Variants in SLC39A11 observed in about 807,000 individuals in gnomAD.
SLC39A11 encodes solute carrier family 39 member 11, also known as zinc transporter ZIP11.
A neutral mutation model predicts 36.1 loss-of-function variants in SLC39A11; 33 were observed. The ratio of observed to expected loss-of-function variants is 0.91; its 90% CI spans 0.69 to 1.22. The LOEUF is 1.22. Among genes scored for constraint, SLC39A11 ranks in the 50% most tolerant of loss-of-function variants. The pLI, the probability that SLC39A11 is intolerant of heterozygous loss-of-function variation, is 0.00. For synonymous variants in SLC39A11, 166 were observed against 170.3 expected, an observed-to-expected ratio of 0.97 and a Z score of 0.20; for missense variants, 432 against 430.3, an observed-to-expected ratio of 1.00 and a Z score of -0.03.
chr17:72,751,130 C>A (rs1202383718), intron 6 of SLC39A11, among the ~76,000 whole-genome samples: 1 of 152,108 alleles, frequency 6.6e-6, no homozygotes, highest in Admixed American at 6.6e-5. Flanking sequence ...CGCTTGTAAT[C>A]CCAGCTATTT....
chr17:72,771,300 G>A (rs937080349), intron 6 of SLC39A11, among the ~76,000 whole-genome samples: 3 of 150,190 alleles, frequency 2.0e-5, no homozygotes, highest in Non-Finnish European at 4.4e-5. Flanking sequence ...GCAGTGAGCC[G>A]AGATCGTGCC....
intron 3 of SLC39A11, among the ~76,000 whole-genome samples, chr17:73,082,997 C>T (rs2060595287): frequency 9.0e-6 from 1 of 111,140 alleles, no homozygotes; most frequent in Admixed American, 1.4e-4. Flanking sequence ...GCCTGGACAA[C>T]AGAGGGAGAC....
Position 72,872,708 on chromosome 17 carries a change from G to A in SLC39A11, c.431-22904C>T, listed in dbSNP as rs573840228. 9.9e-5 allele frequency among the ~76,000 whole-genome samples: 15 copies of A among 152,206 alleles called. No homozygotes were observed. In the South Asian group the frequency reaches 2.3e-3, roughly 23 times the overall value. ...CTTGCCAAAACTAACCACCCCCTCC[G>A]TTGTGGGGACTGAAACTGTCTTTGT... On this transcript the variant is annotated intron_variant, in intron 5 of 9. Transcript: ENST00000255559.
rs1598753265 is a variant in SLC39A11 at position 72,992,135 on chromosome 17, T to G, written c.306+39421A>C. Among the ~76,000 whole-genome samples, 3 of 152,302 alleles carry G rather than the reference T, an allele frequency of 2.0e-5. 1 individual carries two copies. Among genetic ancestry groups the G allele is most frequent in the Admixed American group, 2.0e-4 (3 of 15,300 alleles). On this transcript the variant is annotated intron_variant, in intron 4 of 9. Transcript: ENST00000255559. ...GGGAGGCTGAGGCAGATGGATCACC[T>G]GAGTTCAGGAGTTCCAGACCAGCCT...
chr17:72,997,234 A>C (rs2089572571), intron 4 of SLC39A11, among the ~76,000 whole-genome samples: 1 of 152,128 alleles, frequency 6.6e-6, no homozygotes, highest in Non-Finnish European at 1.5e-5. Context: ...GCCTGCTGCA[A>C]GGTCTCTTTA....
At chr17:72,765,486 G>A (rs556461238) in intron 6 of SLC39A11, among the ~76,000 whole-genome samples, 1 of 152,186 alleles carries the variant, frequency 6.6e-6, no homozygotes, top group African/African-American at 2.4e-5. Flanking sequence ...ACTCTTTCTC[G>A]ATTGAATTAA....
At chr17:73,069,629 C>T (rs756434298) in intron 3 of SLC39A11, among the ~76,000 whole-genome samples, 13 of 152,202 alleles carry the variant, frequency 8.5e-5, no homozygotes, top group African/African-American at 7.2e-5. Context: ...GCAATCCAAC[C>T]GCAGCCTCTC....
intron 7 of SLC39A11, among the ~76,000 whole-genome samples, chr17:72,681,978 G>A (rs1417245321): frequency 6.6e-6 from 1 of 152,140 alleles, no homozygotes; most frequent in African/African-American, 2.4e-5. Flanking sequence ...GCAAGCGAAC[G>A]AAGCTTCATC....
At chr17:72,898,772 C>T (rs1389890695) in intron 5 of SLC39A11, among the ~76,000 whole-genome samples, 1 of 152,244 alleles carries the variant, frequency 6.6e-6, no homozygotes, top group African/African-American at 2.4e-5. Context: ...ACATACATAA[C>T]ACCACCCTGG....
At chr17:72,959,610 G>A (rs540491800) in intron 4 of SLC39A11, among the ~76,000 whole-genome samples, 1 of 151,652 alleles carries the variant, frequency 6.6e-6, no homozygotes, top group Admixed American at 6.6e-5. Flanking sequence ...CTACAAACAG[G>A]GTGCTGTATA....
chr17:72,661,796 A>T (rs561967760), intron 7 of SLC39A11, among the ~76,000 whole-genome samples: 1 of 152,152 alleles, frequency 6.6e-6, no homozygotes, highest in African/African-American at 2.4e-5. Flanking sequence ...AGATGAGATG[A>T]CCCATCCATT....
At chr17:72,837,612 C>T (rs546516994) in intron 6 of SLC39A11, among the ~76,000 whole-genome samples, 3 of 152,268 alleles carry the variant, frequency 2.0e-5, no homozygotes, top group Non-Finnish European at 2.9e-5. Context: ...GCATTACTTA[C>T]AACACCCAAA....
At chr17:73,058,069 G>T (rs1286020187) in intron 3 of SLC39A11, among the ~76,000 whole-genome samples, 1 of 151,104 alleles carries the variant, frequency 6.6e-6, no homozygotes. Context: ...TCCATTTGTG[G>T]GGTGTGTCCC....
intron 5 of SLC39A11, among the ~76,000 whole-genome samples, chr17:72,918,103 C>T (rs1007315621): frequency 6.6e-6 from 1 of 152,218 alleles, no homozygotes; most frequent in Non-Finnish European, 1.5e-5. Flanking sequence ...ATTGTCCTTA[C>T]CTGTAATGTA....
intron 7 of SLC39A11, among the ~76,000 whole-genome samples, chr17:72,654,225 G>A (rs1441144549): frequency 1.3e-5 from 2 of 151,642 alleles, no homozygotes; most frequent in Non-Finnish European, 1.5e-5. Context: ...CTGCCAGGGA[G>A]GGTGATGGGT....
intron 7 of SLC39A11, among the ~76,000 whole-genome samples, chr17:72,657,763 C>G (rs1055921574): frequency 6.6e-6 from 1 of 152,204 alleles, no homozygotes; most frequent in African/African-American, 2.4e-5. Flanking sequence ...TTTTAATTTT[C>G]CACAGGGGAT....
intron 4 of SLC39A11, among the ~76,000 whole-genome samples, chr17:72,961,267 T>C (rs918848863): frequency 3.3e-5 from 5 of 152,138 alleles, no homozygotes; most frequent in Admixed American, 1.3e-4. Flanking sequence ...CGTGGAGAAA[T>C]AGGAACACTT....
At chr17:72,977,174 A>G (rs2087915253) in intron 4 of SLC39A11, among the ~76,000 whole-genome samples, 1 of 152,230 alleles carries the variant, frequency 6.6e-6, no homozygotes, top group African/African-American at 2.4e-5. Context: ...TGCCTGAGCC[A>G]TGACTGGCTG....
chr17:73,089,181 CAA>C (rs2060842783), intron 1 of SLC39A11, among the ~76,000 whole-genome samples: 1 of 152,172 alleles, frequency 6.6e-6, no homozygotes, highest in African/African-American at 2.4e-5. Flanking sequence ...CAGCCTCCAC[CAA>C]AGACAGGTGA....
Sources: allele counts gnomAD v4.1 joint callset (sites outside exome capture counted in the v4.1 genomes callset), GRCh38; gene constraint gnomAD v4.1.1; transcripts MANE v1.5; gene names NCBI Gene and HGNC (gene_info 2026-07-23, HGNC 2026-07-21).